ADGRD1: variants seen among roughly 807,000 people sequenced by gnomAD.
The protein encoded by ADGRD1 is G-protein coupled receptor 133.
In ADGRD1, 77 loss-of-function variants were observed where a neutral mutation model predicts 113.4. That is an observed-to-expected ratio of 0.68 (90% CI 0.57 to 0.82). The LOEUF is 0.82. ADGRD1 is among the 40% of genes least tolerant of loss of function. The pLI, the probability that ADGRD1 is intolerant of heterozygous loss-of-function variation, is 0.00. For synonymous variants in ADGRD1, 474 were observed against 475.0 expected, an observed-to-expected ratio of 1.00 and a Z score of 0.03; for missense variants, 1,036 against 1,139.1, an observed-to-expected ratio of 0.91 and a Z score of 1.30.
At chr12:131,000,168 G>A (rs560055687) in intron 8 of ADGRD1, among the ~76,000 whole-genome samples, 7 of 152,336 alleles carry the variant, frequency 4.6e-5, no homozygotes, top group East Asian at 1.9e-4. Context: ...TCACTGACTC[G>A]ACAGGGCTGC....
At chr12:131,122,928 A>T (rs1322853030) in intron 20 of ADGRD1, among the ~76,000 whole-genome samples, 1 of 150,254 alleles carries the variant, frequency 6.7e-6, no homozygotes, top group African/African-American at 2.5e-5. Flanking sequence ...TCCTGAGGGG[A>T]CATTACCTTC....
At chr12:131,094,453 G>C (rs565312592) in intron 15 of ADGRD1, among the ~76,000 whole-genome samples, 2 of 152,320 alleles carry the variant, frequency 1.3e-5, no homozygotes, top group East Asian at 3.9e-4. Context: ...GGGGGTGGGG[G>C]TAACTGTGGA....
chr12:131,109,261 C>T (rs551923792), intron 18 of ADGRD1, among the ~76,000 whole-genome samples: 46 of 152,244 alleles, frequency 3.0e-4, no homozygotes, highest in Non-Finnish European at 6.0e-4. Context: ...TCTTTAATTT[C>T]TGCTTCAATC....
At chr12:130,963,836 A>T (rs890527396) in intron 2 of ADGRD1, among the ~76,000 whole-genome samples, 3 of 152,204 alleles carry the variant, frequency 2.0e-5, no homozygotes, top group African/African-American at 7.2e-5. Context: ...ATCAAAGGGA[A>T]TGTACACTTA....
At chr12:131,105,994 T>C in intron 17 of ADGRD1, 129 bp downstream of exon 17, 1 of 683,788 alleles carries the variant, frequency 1.5e-6, no homozygotes, top group Non-Finnish European at 2.5e-6. Flanking sequence ...ACCAGGGCTG[T>C]GGTTTTCTCG....
Position 130,954,748 on chromosome 12 carries a change from G to C in ADGRD1, c.103+88G>C. ...GAACAGCCCACTTGTTCATCTCTGA[G>C]GCATCAGCGAATGGCCCTTGTTGGG... On this transcript the variant is annotated intron_variant, in intron 2 of 24. Transcript: ENST00000261654. This position sits in a 1 kb window ranked among gnomAD's most constrained non-coding sequence, Gnocchi z 4.7. 1.5e-6 allele frequency: 2 copies of C among 1,308,530 alleles called. No homozygotes were observed. Among genetic ancestry groups the C allele is most frequent in the Admixed American group, 3.4e-5 (2 of 58,748 alleles). The allele number at this position is 1,308,530 out of a possible 1,614,324, so 81.1% of individuals were successfully genotyped here.
At chr12:131,033,296 G>A (rs766431371) in intron 13 of ADGRD1, among the ~76,000 whole-genome samples, 10 of 152,198 alleles carry the variant, frequency 6.6e-5, no homozygotes, top group South Asian at 2.1e-4. Context: ...CTTCCAGGCC[G>A]GAGGGGTTTC....
At chr12:131,010,983 T>C (rs1006904333) in intron 12 of ADGRD1, among the ~76,000 whole-genome samples, 2 of 151,970 alleles carry the variant, frequency 1.3e-5, no homozygotes, top group Non-Finnish European at 2.9e-5. Context: ...GCTGAGCACA[T>C]GAAGGGAGAG....
At chr12:131,125,742 A>G (rs1030420688) in intron 20 of ADGRD1, among the ~76,000 whole-genome samples, 2 of 152,238 alleles carry the variant, frequency 1.3e-5, no homozygotes, top group African/African-American at 4.8e-5. Context: ...AGAAAATACC[A>G]TAAATTGAAA....
chr12:130,982,956 G>A (rs966363719), intron 5 of ADGRD1, among the ~76,000 whole-genome samples: 7 of 152,130 alleles, frequency 4.6e-5, no homozygotes, highest in African/African-American at 1.7e-4. Flanking sequence ...GATCTCCTCC[G>A]GTAGGAAACA....
chr12:131,035,461 G>A (rs1881275029), intron 13 of ADGRD1: 1 of 152,278 alleles, frequency 6.6e-6, no homozygotes, highest in African/African-American at 2.4e-5. Context: ...CACGCCCCGA[G>A]GGGCCCGGAG....
intron 3 of ADGRD1, chr12:130,969,019 C>G (rs1327994828): frequency 6.5e-7 from 1 of 1,535,246 alleles, no homozygotes; most frequent in Non-Finnish European, 8.7e-7. Context: ...TCCCGTAATG[C>G]TACTTTTGTG....
intron 13 of ADGRD1, among the ~76,000 whole-genome samples, chr12:131,047,158 C>T (rs1177217213): frequency 6.6e-6 from 1 of 152,234 alleles, no homozygotes; most frequent in African/African-American, 2.4e-5. Flanking sequence ...ATCAGTGTTC[C>T]TTTCCTGGTC....
chr12:131,101,691 T>C (rs545764360), intron 15 of ADGRD1, among the ~76,000 whole-genome samples: 1 of 152,068 alleles, frequency 6.6e-6, no homozygotes, highest in Non-Finnish European at 1.5e-5. Flanking sequence ...CCTCCATTGG[T>C]TTTTAACTGA....
chr12:130,961,969 G>C (rs572811009), intron 2 of ADGRD1, among the ~76,000 whole-genome samples: 1 of 152,288 alleles, frequency 6.6e-6, no homozygotes, highest in Non-Finnish European at 1.5e-5. Flanking sequence ...TTTCCACGTC[G>C]CCTCCGCCTC....
At chr12:131,095,529 A>G (rs4759845) in intron 15 of ADGRD1, among the ~76,000 whole-genome samples, 32,569 of 152,056 alleles carry the variant, frequency 0.21, 3,547 homozygotes, top group Middle Eastern at 0.29. Context: ...TTTCGGGGCT[A>G]CCCTCAGAAT....
chr12:131,110,746 T>C (rs896992947), intron 18 of ADGRD1, among the ~76,000 whole-genome samples: 10 of 152,258 alleles, frequency 6.6e-5, no homozygotes, highest in African/African-American at 2.4e-4. Context: ...GTGTTAAGAT[T>C]ACTTTTTGGG....
chr12:130,992,360 C>T lies in ADGRD1; in HGVS notation c.934C>T (p.Leu312Phe). ...ATCCCTCAGCTTACCCAGTAAGTCC[C>T]TCTCGGAGCAGACAGCCTTGAATCT... is the stretch of plus-strand genomic sequence containing the variant. ...NVSLSLPSKS[L>F]SEQTALNLTK... The change falls in exon 8 of 25, where the codon CTC becomes TTC. Residue 312 changes from leucine to phenylalanine, a missense_variant. By Grantham distance (22) the Leu-to-Phe change is conservative. Transcript: ENST00000261654. The T allele has an allele frequency of 1.2e-6, 2 of 1,613,852 alleles. No individual in the cohort carries two copies. The highest frequency in any genetic ancestry group is 1.7e-6 in the Non-Finnish European group (2 of 1,179,852).
chr12:130,958,260 C>T (rs1378734114), intron 2 of ADGRD1, among the ~76,000 whole-genome samples: 1 of 142,270 alleles, frequency 7.0e-6, no homozygotes, highest in South Asian at 2.3e-4. Flanking sequence ...AGTGCAATGG[C>T]GTGATCTCAG....
Sources: gnomAD v4.1 joint callset for allele counts (sites outside exome capture counted in the v4.1 genomes callset) on GRCh38, gnomAD v4.1.1 for gene constraint, Gnocchi (gnomAD v3.1) non-coding constraint, MANE v1.5 for transcripts, NCBI Gene and HGNC (gene_info 2026-07-23, HGNC 2026-07-21) for gene names.